LARGE1: variants seen among roughly 807,000 people sequenced by gnomAD.
The protein encoded by LARGE1 is LARGE xylosyl- and glucuronyltransferase 1, also known as xylosyl- and glucuronyltransferase LARGE1.
Under a neutral mutation model 87.6 loss-of-function variants are expected in LARGE1, and 43 were observed. The observed-to-expected ratio is 0.49, with a 90% CI of 0.38 to 0.63. The LOEUF is 0.63. LARGE1 is among the 30% of genes least tolerant of loss of function. The probability of loss-of-function intolerance (pLI) is 0.00; values close to 1 mark genes in which losing one functional copy is unlikely to be tolerated. For synonymous variants in LARGE1, 434 were observed against 394.6 expected, an observed-to-expected ratio of 1.10 and a Z score of -1.18; for missense variants, 802 against 1,000.2, an observed-to-expected ratio of 0.80 and a Z score of 2.67.
At chr22:33,735,533 C>A (rs1475675278) in intron 2 of LARGE1, among the ~76,000 whole-genome samples, 1 of 152,034 alleles carries the variant, frequency 6.6e-6, no homozygotes, top group Non-Finnish European at 1.5e-5. Context: ...AGAAAATACC[C>A]CAGCAGTGGA....
chr22:33,415,561 G>C (rs559367725), intron 7 of LARGE1, among the ~76,000 whole-genome samples: 11 of 152,182 alleles, frequency 7.2e-5, no homozygotes, highest in Non-Finnish European at 1.6e-4. Context: ...ATCTTTTCAG[G>C]ATGCAGCTGG....
chr22:33,734,888 C>T (rs1300995709), intron 2 of LARGE1, among the ~76,000 whole-genome samples: 1 of 152,140 alleles, frequency 6.6e-6, no homozygotes, highest in African/African-American at 2.4e-5. Flanking sequence ...ATGCCTCACA[C>T]CTGTTTCCTG....
At chr22:33,247,182 C>T (rs767515279) in intron 11 of LARGE1, among the ~76,000 whole-genome samples, 2 of 150,020 alleles carry the variant, frequency 1.3e-5, no homozygotes, top group Non-Finnish European at 3.0e-5. Context: ...AAAAACAAAA[C>T]CAAAATGTTC....
chr22:33,421,208 TA>T (rs71322659), intron 7 of LARGE1, among the ~76,000 whole-genome samples: 7 of 135,844 alleles, frequency 5.2e-5, no homozygotes, highest in African/African-American at 2.0e-4. Flanking sequence ...AAAAATAAAA[TA>T]AAATCAATCA....
intron 5 of LARGE1, among the ~76,000 whole-genome samples, chr22:33,599,679 A>G (rs1478385417): frequency 6.6e-6 from 1 of 152,132 alleles, no homozygotes; most frequent in Non-Finnish European, 1.5e-5. Flanking sequence ...ACTTCATTCT[A>G]CAGCACTAAC....
Position 33,274,547 on chromosome 22 carries a change from G to A in LARGE1, c.2151C>T (p.Phe717=). Residue 717 remains phenylalanine (F), a synonymous_variant, in exon 15 of 15, where the codon TTC becomes TTT. Coordinates refer to ENST00000397394, the MANE Select transcript of LARGE1 (RefSeq NM_133642.5). ...AGATGCGGTATTGCTTGTTGGAACG[G>A]AACTTGGTAATGTCGAAGCTGGGGG... ...PHAPSFDITK[F]RSNKQYRICL... 6.2e-7 allele frequency: 1 copy of A among 1,614,150 alleles called. No individual in the cohort carries two copies. The highest frequency in any genetic ancestry group is 2.2e-5 in the East Asian group (1 of 44,874).
chr22:33,141,194 TCACA>T, the LARGE1 span, among the ~76,000 whole-genome samples: 378 of 141,800 alleles, frequency 2.7e-3, 1 homozygote, highest in African/African-American at 5.3e-3. Flanking sequence ...TCTCTCTCTC[TCACA>T]CACACACACA....
chr22:33,132,012 C>T, the LARGE1 span, among the ~76,000 whole-genome samples: 3 of 151,828 alleles, frequency 2.0e-5, no homozygotes, highest in African/African-American at 7.2e-5. Flanking sequence ...GACTCAGTCA[C>T]TATCACGAGA....
intron 11 of LARGE1, among the ~76,000 whole-genome samples, chr22:33,196,639 C>T (rs1924095670): frequency 6.6e-6 from 1 of 151,836 alleles, no homozygotes; most frequent in South Asian, 2.1e-4. Flanking sequence ...TTACTTCATT[C>T]AACTTTGGGA....
chr22:33,451,540 C>T (rs2067920732), intron 6 of LARGE1, among the ~76,000 whole-genome samples: 1 of 151,038 alleles, frequency 6.6e-6, no homozygotes, highest in African/African-American at 2.4e-5. Flanking sequence ...TCCCCAAAAT[C>T]CACTCTATGG....
At chr22:33,778,526 C>T (rs1009819119) in intron 1 of LARGE1, among the ~76,000 whole-genome samples, 2 of 152,198 alleles carry the variant, frequency 1.3e-5, no homozygotes, top group African/African-American at 2.4e-5. Flanking sequence ...TCTGCCTCTA[C>T]AGAGTTAGCA....
chr22:33,529,637 C>T lies in LARGE1; in HGVS notation c.787+35211G>A, dbSNP rs749373901. Among the ~76,000 whole-genome samples the T allele has an allele frequency of 5.3e-4, 80 of 152,138 alleles. 1 individual carries two copies. The highest frequency in any genetic ancestry group is 1.9e-4 in the East Asian group (1 of 5,196). On this transcript the variant is annotated intron_variant, in intron 6 of 14. Transcript: ENST00000397394. ...GGCCATTATTTTCCCATCTGTGAAA[C>T]GAAGGCAGGGGATCGGATCTTTTTC...
At chr22:33,757,240 A>G (rs927599435) in intron 2 of LARGE1, among the ~76,000 whole-genome samples, 3 of 152,102 alleles carry the variant, frequency 2.0e-5, no homozygotes, top group African/African-American at 7.2e-5. Context: ...TCCCCATAAC[A>G]TTTATGCATT....
intron 1 of LARGE1, among the ~76,000 whole-genome samples, chr22:33,872,051 G>A (rs1038841442): frequency 5.9e-5 from 9 of 151,276 alleles, no homozygotes; most frequent in African/African-American, 2.2e-4. Flanking sequence ...GGCAGGAGGT[G>A]GGAGTGATGG....
chr22:33,265,224 C>A (rs1243908707), intron 11 of LARGE1, among the ~76,000 whole-genome samples: 2 of 152,018 alleles, frequency 1.3e-5, no homozygotes, highest in Non-Finnish European at 2.9e-5. Flanking sequence ...TCTTTATACC[C>A]CACCTTTGGG....
chr22:33,602,974 C>T (rs1265389289), intron 5 of LARGE1, among the ~76,000 whole-genome samples: 13 of 152,184 alleles, frequency 8.5e-5, no homozygotes, highest in African/African-American at 1.9e-4. Context: ...ATGGTGTTGG[C>T]GCTAAGACCC....
chr22:33,190,716 C>T (rs116496464), intron 11 of LARGE1, among the ~76,000 whole-genome samples: 1 of 152,152 alleles, frequency 6.6e-6, no homozygotes, highest in Non-Finnish European at 1.5e-5. Flanking sequence ...TCAATATCTC[C>T]TTCTACTGCT....
chr22:33,850,577 T>A (rs941234433), intron 1 of LARGE1, among the ~76,000 whole-genome samples: 1 of 152,124 alleles, frequency 6.6e-6, no homozygotes, highest in African/African-American at 2.4e-5. Context: ...CAGACAGTCG[T>A]ATTATTATTA....
chr22:33,834,720 T>A (rs2063066383), intron 1 of LARGE1, among the ~76,000 whole-genome samples: 1 of 152,240 alleles, frequency 6.6e-6, no homozygotes, highest in South Asian at 2.1e-4. Context: ...GGTAGGAATA[T>A]GAGCAAGTTT....
Sources: gnomAD v4.1 joint callset for allele counts (sites outside exome capture counted in the v4.1 genomes callset) on GRCh38, gnomAD v4.1.1 for gene constraint, MANE v1.5 for transcripts, NCBI Gene and HGNC (gene_info 2026-07-23, HGNC 2026-07-21) for gene names.